LEPROTL1: variants seen among roughly 807,000 people sequenced by gnomAD.
The protein encoded by LEPROTL1 is leptin receptor overlapping transcript like 1, also known as leptin receptor overlapping transcript-like 1.
LEPROTL1 carries 6 observed loss-of-function variants against 15.4 expected under a neutral mutation model. The ratio of observed to expected loss-of-function variants is 0.39; its 90% CI spans 0.21 to 0.77. The LOEUF is 0.77. LEPROTL1 is among the 30% of genes least tolerant of loss of function. LEPROTL1 has a pLI of 0.41. For missense variants in LEPROTL1, 128 were observed against 158.1 expected (o/e 0.81, Z 1.02); for synonymous variants, 56 against 52.6 (o/e 1.06, Z -0.28).
At chr8:30,097,117 T>G (rs1393997736) in intron 1 of LEPROTL1, among the ~76,000 whole-genome samples, 1 of 152,230 alleles carries the variant, frequency 6.6e-6, no homozygotes, top group African/African-American at 2.4e-5. Context: ...CAGACTTATC[T>G]AAGCTTTGTC....
Position 30,105,978 on chromosome 8 carries a change from T to C in LEPROTL1, c.*116T>C. The C allele has an allele frequency of 7.7e-7, 1 of 1,300,306 alleles. No homozygotes were observed. Among genetic ancestry groups the C allele is most frequent in the African/African-American group, 1.5e-5 (1 of 65,256 alleles). 80.5% of individuals were successfully genotyped at this position (1,300,306 alleles called of 1,614,324 possible). A position where few individuals can be genotyped will look rare whatever the true frequency, so the allele number is the denominator to read the frequency against. On this transcript the variant is annotated 3_prime_UTR_variant, in exon 4 of 4. Transcript: ENST00000321250. Reference sequence around the variant, plus strand: ...TATAGCAAGCCTCTTGGGGGTATTTTAGGTGCTCCCTTCTCACTTTTATTG... The same window carrying C: ...TATAGCAAGCCTCTTGGGGGTATTTCAGGTGCTCCCTTCTCACTTTTATTG...
intron 3 of LEPROTL1, 128 bp downstream of exon 3, chr8:30,104,614 A>G (rs558008395): frequency 2.0e-6 from 1 of 501,484 alleles, no homozygotes. Context: ...AGAGATTAAA[A>G]TCTCACTTTA....
At position 30,107,244 on chromosome 8, in the gene LEPROTL1, C is replaced by A. The variant is rs1330152036; in HGVS notation, c.*1382C>A. ...ATAGCAGCTTCAGAAACATACCTGACCAAAAAATTCCCAGTAACCAGGCAT... is the reference window on the plus strand; with the variant it reads ...ATAGCAGCTTCAGAAACATACCTGAACAAAAAATTCCCAGTAACCAGGCAT... On this transcript the variant is annotated 3_prime_UTR_variant, in exon 4 of 4. Coordinates refer to ENST00000321250, the MANE Select transcript of LEPROTL1 (RefSeq NM_015344.3). 8.1e-6 allele frequency: 8 copies of A among 985,280 alleles called. No homozygotes were observed. In the African/African-American group the frequency reaches 1.2e-4, roughly 15 times the overall value. The allele number at this position is 985,280 out of a possible 1,614,324, so 61.0% of individuals were successfully genotyped here. A position where few individuals can be genotyped will look rare whatever the true frequency, so the allele number is the denominator to read the frequency against.
At chr8:30,132,046 A>G in intron 3 of LEPROTL1, 3 of 1,551,836 alleles carry the variant, frequency 1.9e-6, no homozygotes, top group Non-Finnish European at 1.7e-6. Flanking sequence ...GAGAGAGGAG[A>G]GACTCCTGAC....
chr8:30,137,042 G>GT lies in LEPROTL1; in HGVS notation c.395-230_395-229insT, dbSNP rs1329723607. 5.9e-5 allele frequency among the ~76,000 whole-genome samples: 9 copies of GT among 152,178 alleles called. No homozygotes were observed. The South Asian group carries it at 1.9e-3, about 32-fold the overall frequency. Reference sequence around the variant, plus strand: ...AAAAAATTCTAGGTATAGTCAGGAGGATGGCAAAGCAAGTGAACCAACCGC... The same window carrying GT: ...AAAAAATTCTAGGTATAGTCAGGAGGTATGGCAAAGCAAGTGAACCAACCGC... On this transcript the variant is annotated intron_variant, in intron 4 of 4. Coordinates refer to the LEPROTL1 transcript ENST00000442880.
rs1802803800 is a variant in LEPROTL1 at position 30,119,983 on chromosome 8, C to G, written c.280-12392C>G. Reference sequence around the variant, plus strand: ...ACTAGGGAGGCTGAGGCAGGAGAATCACTTGAACCTGGGAGGCAGAGGTTG... The same window carrying G: ...ACTAGGGAGGCTGAGGCAGGAGAATGACTTGAACCTGGGAGGCAGAGGTTG... On this transcript the variant is annotated intron_variant, in intron 3 of 4. Transcript: ENST00000442880. Among the ~76,000 whole-genome samples, 5 of 152,090 alleles carry G rather than the reference C, an allele frequency of 3.3e-5. No homozygotes were observed. In the South Asian group the frequency reaches 8.3e-4, roughly 25 times the overall value.
chr8:30,116,628 C>T (rs1234040772), intron 3 of LEPROTL1, among the ~76,000 whole-genome samples: 1 of 152,146 alleles, frequency 6.6e-6, no homozygotes, highest in Non-Finnish European at 1.5e-5. Flanking sequence ...TGGCCCCTGG[C>T]CTGGGGGTTG....
intron 3 of LEPROTL1, among the ~76,000 whole-genome samples, chr8:30,118,983 TG>T (rs1802784498): frequency 6.6e-6 from 1 of 152,152 alleles, no homozygotes; most frequent in Non-Finnish European, 1.5e-5. Flanking sequence ...GGTGTCGGGC[TG>T]GGGGATGGTC....
At chr8:30,131,441 C>T (rs1304706192) in intron 3 of LEPROTL1, among the ~76,000 whole-genome samples, 1 of 151,772 alleles carries the variant, frequency 6.6e-6, no homozygotes. Flanking sequence ...AGTTATGAGC[C>T]ACTGCACCTG....
chr8:30,097,196 C>G (rs1215436886), intron 1 of LEPROTL1, among the ~76,000 whole-genome samples: 1 of 152,122 alleles, frequency 6.6e-6, no homozygotes, highest in Non-Finnish European at 1.5e-5. Flanking sequence ...TAAGAAACAG[C>G]TTATATACAA....
chr8:30,114,276 T>TTTTTG lies in LEPROTL1; in HGVS notation c.279+9810_279+9814dup, dbSNP rs3049944. ...AGAATGACACATCTTACATGATATT[T>TTTTTG]TTTTGTTTTGTTTTGTTTTGTTTTA... is the stretch of plus-strand genomic sequence containing the variant. On this transcript the variant is annotated intron_variant, in intron 3 of 4. Transcript: ENST00000442880. 8.8e-3 allele frequency among the ~76,000 whole-genome samples: 1,315 copies of TTTTTG among 149,538 alleles called. 7 individuals carry two copies. Among genetic ancestry groups the TTTTTG allele is most frequent in the Middle Eastern group, 0.014 (4 of 294 alleles).
At chr8:30,117,257 G>A (rs1802755865) in intron 3 of LEPROTL1, 3 of 592,302 alleles carry the variant, frequency 5.1e-6, no homozygotes, top group South Asian at 2.0e-5. Context: ...GGAGGTGGAG[G>A]CAGGAGGATC....
At chr8:30,129,941 G>A (rs749995851) in intron 3 of LEPROTL1, among the ~76,000 whole-genome samples, 4 of 151,986 alleles carry the variant, frequency 2.6e-5, no homozygotes, top group South Asian at 2.1e-4. Context: ...GCGGGAAGGC[G>A]TTACGCACTT....
intron 4 of LEPROTL1, among the ~76,000 whole-genome samples, chr8:30,133,805 AGAAAG>A (rs1435888167): frequency 1.5e-4 from 22 of 150,698 alleles, no homozygotes; most frequent in African/African-American, 5.1e-4. Flanking sequence ...AAAAAAAAAA[AGAAAG>A]AGAAAAGAAA....
Position 30,106,091 on chromosome 8 carries a change from A to G in LEPROTL1, c.*229A>G, listed in dbSNP as rs1006036194. 8 of 1,058,810 alleles carry G rather than the reference A, an allele frequency of 7.6e-6. No individual in the cohort carries two copies. The highest frequency in any genetic ancestry group is 8.0e-6 in the Non-Finnish European group (7 of 876,400). 65.6% of individuals were successfully genotyped at this position (1,058,810 alleles called of 1,614,324 possible). The stretch of plus-strand genomic sequence containing the variant: ...CTTGACTGATTTCACACTTATCTAT[A>G]GTATGCTTTTTGTGGTGTCCTGCTG... On this transcript the variant is annotated 3_prime_UTR_variant, in exon 4 of 4. Coordinates refer to ENST00000321250, the MANE Select transcript of LEPROTL1 (RefSeq NM_015344.3).
chr8:30,097,684 A>ATAT (rs1202995740), intron 1 of LEPROTL1, among the ~76,000 whole-genome samples: 4 of 128,358 alleles, frequency 3.1e-5, no homozygotes, highest in African/African-American at 9.3e-5. Context: ...AAAAAAAAAA[A>ATAT]ATATATATAT....
chr8:30,111,318 C>T (rs2117497098), downstream of LEPROTL1, among the ~76,000 whole-genome samples: 1 of 152,262 alleles, frequency 6.6e-6, no homozygotes, highest in Admixed American at 6.5e-5. Flanking sequence ...TTGTCATTTA[C>T]TAATTTAAAT....
At chr8:30,120,250 T>C (rs1489902862) in intron 3 of LEPROTL1, among the ~76,000 whole-genome samples, 1 of 152,034 alleles carries the variant, frequency 6.6e-6, no homozygotes, top group Non-Finnish European at 1.5e-5. Context: ...AGATTCTGAG[T>C]TGGAAAATCT....
At chr8:30,095,782 C>T (rs193007926) in intron 1 of LEPROTL1, 1 of 700,716 alleles carries the variant, frequency 1.4e-6, no homozygotes, top group African/African-American at 1.7e-5. Flanking sequence ...CTCTCTCCCA[C>T]CCATCGCCCC....
Sources: gnomAD v4.1 joint callset for allele counts (sites outside exome capture counted in the v4.1 genomes callset) on GRCh38, gnomAD v4.1.1 for gene constraint, MANE v1.5 for transcripts, NCBI Gene and HGNC (gene_info 2026-07-23, HGNC 2026-07-21) for gene names.